The following FCHSD2 variants were observed in gnomAD, a reference collection of about 807,000 sequenced individuals.
FCHSD2 encodes F-BAR and double SH3 domains protein 2.
A neutral mutation model predicts 108.1 loss-of-function variants in FCHSD2; 38 were observed. The observed-to-expected ratio is 0.35, with a 90% CI of 0.27 to 0.46. FCHSD2 has a LOEUF of 0.46. FCHSD2 is among the 20% of genes least tolerant of loss of function. The pLI, the probability that FCHSD2 is intolerant of heterozygous loss-of-function variation, is 1.00. For synonymous variants in FCHSD2, 279 were observed against 314.7 expected (o/e 0.89, Z 1.20); for missense variants, 751 against 897.8 (o/e 0.84, Z 2.09).
At chr11:73,117,579 CATT>C (rs1860633393) in intron 2 of FCHSD2, among the ~76,000 whole-genome samples, 1 of 152,152 alleles carries the variant, frequency 6.6e-6, no homozygotes, top group Admixed American at 6.5e-5. Context: ...TAGTAATTCT[CATT>C]ATAATTTCTA....
At chr11:73,103,286 A>G (rs1860265926) in intron 2 of FCHSD2, among the ~76,000 whole-genome samples, 2 of 152,230 alleles carry the variant, frequency 1.3e-5, no homozygotes, top group South Asian at 4.1e-4. Context: ...ACATAATAAA[A>G]GTTGTAAATC....
At chr11:72,981,453 CA>C (rs1344678614) in intron 8 of FCHSD2, among the ~76,000 whole-genome samples, 2 of 151,096 alleles carry the variant, frequency 1.3e-5, no homozygotes, top group Non-Finnish European at 2.9e-5. Context: ...GCTGTAGATC[CA>C]ATAGAAAAAA....
chr11:73,014,212 G>A (rs1298331913), intron 4 of FCHSD2, among the ~76,000 whole-genome samples: 1 of 142,442 alleles, frequency 7.0e-6, no homozygotes, highest in Non-Finnish European at 1.5e-5. Flanking sequence ...GCTCACTGCA[G>A]CCTTCAACTC....
chr11:72,849,821 G>A lies in FCHSD2; in HGVS notation c.1377C>T (p.Ser459=). 1 of 1,611,564 alleles carries A rather than the reference G, an allele frequency of 6.2e-7. No individual in the cohort carries two copies. The highest frequency in any genetic ancestry group is 1.1e-5 in the South Asian group (1 of 91,008). Residue 459 remains serine (S), a synonymous_variant, in exon 14 of 20, where the codon AGC becomes AGT. Transcript: ENST00000409418. ...FEDNMDVFDD[S]SSSPSGTLRN... ...TTAAGGTGCCAGAAGGGCTGGAACT[G>A]CTGTCATCGAAAACATCCATGTTAT...
intron 3 of FCHSD2, among the ~76,000 whole-genome samples, chr11:73,039,642 C>T (rs1858585778): frequency 6.6e-6 from 1 of 152,090 alleles, no homozygotes. Flanking sequence ...AATAAAATTA[C>T]TCAACACAGC....
intron 8 of FCHSD2, among the ~76,000 whole-genome samples, chr11:72,927,840 G>A (rs1157098732): frequency 6.6e-6 from 1 of 152,218 alleles, no homozygotes; most frequent in Non-Finnish European, 1.5e-5. Context: ...TGTTACTGTA[G>A]ATGGATCAGC....
At chr11:72,926,938 C>T (rs117288769) in intron 8 of FCHSD2, among the ~76,000 whole-genome samples, 2,308 of 152,252 alleles carry the variant, frequency 0.015, 33 homozygotes, top group Middle Eastern at 0.037. Flanking sequence ...AAAATGGCGA[C>T]TTGGTGCACT....
intron 10 of FCHSD2, chr11:72,900,447 G>T: frequency 1.5e-6 from 1 of 662,584 alleles, no homozygotes; most frequent in Non-Finnish European, 2.6e-6. Flanking sequence ...AAGATTTAGG[G>T]CTGCAGTTGG....
chr11:73,079,304 C>A (rs1859628254), intron 3 of FCHSD2, among the ~76,000 whole-genome samples: 2 of 151,178 alleles, frequency 1.3e-5, no homozygotes, highest in South Asian at 4.2e-4. Context: ...TCAAGTGATT[C>A]TCCTGCCTCA....
At chr11:73,022,242 T>C (rs1377127104) in intron 3 of FCHSD2, among the ~76,000 whole-genome samples, 1 of 152,180 alleles carries the variant, frequency 6.6e-6, no homozygotes, top group East Asian at 1.9e-4. Context: ...CTTTTCAACA[T>C]TGTACTGGAA....
intron 8 of FCHSD2, among the ~76,000 whole-genome samples, chr11:72,973,090 C>T (rs543330651): frequency 1.3e-5 from 2 of 152,064 alleles, no homozygotes; most frequent in Admixed American, 6.5e-5. Context: ...AAGTTATGGC[C>T]GGGCGCGGTG....
chr11:72,860,554 T>C (rs1861544205), intron 13 of FCHSD2, among the ~76,000 whole-genome samples: 1 of 152,074 alleles, frequency 6.6e-6, no homozygotes, highest in African/African-American at 2.4e-5. Flanking sequence ...AATTAAAACA[T>C]AAATTAGAGG....
intron 13 of FCHSD2, among the ~76,000 whole-genome samples, chr11:72,850,106 C>G (rs2135170005): frequency 7.2e-6 from 1 of 138,858 alleles, no homozygotes; most frequent in Non-Finnish European, 1.5e-5. Context: ...TCTTGTCACC[C>G]CGGCTGGACT....
chr11:73,012,133 A>G (rs1857876812), intron 4 of FCHSD2, among the ~76,000 whole-genome samples: 1 of 152,232 alleles, frequency 6.6e-6, no homozygotes, highest in Non-Finnish European at 1.5e-5. Flanking sequence ...AACTACAAAT[A>G]GGGATGTGGA....
chr11:72,862,383 G>T (rs924242558), intron 13 of FCHSD2, among the ~76,000 whole-genome samples: 1 of 152,202 alleles, frequency 6.6e-6, no homozygotes. Flanking sequence ...TAATAAGTGA[G>T]TTTAGCAAGA....
chr11:73,025,226 A>G (rs1275863976), intron 3 of FCHSD2, among the ~76,000 whole-genome samples: 5 of 152,240 alleles, frequency 3.3e-5, no homozygotes, highest in Non-Finnish European at 7.4e-5. Flanking sequence ...TAGAAAAGAC[A>G]TGGAATCAAC....
chr11:72,850,466 T>G (rs1246377348), intron 13 of FCHSD2, among the ~76,000 whole-genome samples: 1 of 150,156 alleles, frequency 6.7e-6, no homozygotes, highest in Non-Finnish European at 1.5e-5. Flanking sequence ...AAGCTCTGCC[T>G]CCTCAGCCTC....
chr11:73,044,506 G>A (rs1005827089), intron 3 of FCHSD2, among the ~76,000 whole-genome samples: 1 of 152,182 alleles, frequency 6.6e-6, no homozygotes, highest in African/African-American at 2.4e-5. Context: ...GTGCCCAGGA[G>A]TTTGAGGCTG....
At chr11:72,951,499 A>C (rs1481006745) in intron 8 of FCHSD2, among the ~76,000 whole-genome samples, 1 of 152,222 alleles carries the variant, frequency 6.6e-6, no homozygotes, top group Non-Finnish European at 1.5e-5. Context: ...TTAGCTCAAT[A>C]AATGTTTGCT....
Sources: allele counts gnomAD v4.1 joint callset (sites outside exome capture counted in the v4.1 genomes callset), GRCh38; gene constraint gnomAD v4.1.1; transcripts MANE v1.5; gene names NCBI Gene and HGNC (gene_info 2026-07-23, HGNC 2026-07-21).